The following RBFOX1 variants were observed in gnomAD, a reference collection of about 807,000 sequenced individuals.
RBFOX1 encodes RNA binding protein fox-1 homolog 1.
In RBFOX1, 8 loss-of-function variants were observed where a neutral mutation model predicts 57.7. The observed-to-expected ratio is 0.14, with a 90% CI of 0.08 to 0.25. The LOEUF is 0.25. Among genes scored for constraint, RBFOX1 ranks in the 10% least tolerant of loss-of-function variants. The pLI, the probability that RBFOX1 is intolerant of heterozygous loss-of-function variation, is 1.00. For missense variants in RBFOX1, 611 were observed against 548.5 expected (o/e 1.11, Z -1.14); for synonymous variants, 326 against 222.4 (o/e 1.47, Z -4.15).
intron 1 of RBFOX1, among the ~76,000 whole-genome samples, chr16:5,296,592 C>G (rs2151187623): frequency 6.6e-6 from 1 of 151,246 alleles, no homozygotes; most frequent in African/African-American, 2.4e-5. Context: ...AACAATAGAG[C>G]TCTTGAACAT....
intron 4 of RBFOX1, among the ~76,000 whole-genome samples, chr16:5,906,294 T>C (rs1244899309): frequency 1.3e-5 from 2 of 152,160 alleles, no homozygotes; most frequent in Non-Finnish European, 2.9e-5. Flanking sequence ...CTGGTTTCTT[T>C]GTAAAAAGGG....
chr16:7,309,033 G>T (rs1038112766), intron 4 of RBFOX1, among the ~76,000 whole-genome samples: 1 of 152,192 alleles, frequency 6.6e-6, no homozygotes, highest in South Asian at 2.1e-4. Context: ...ACGCAGAAAA[G>T]AATTAGGATA....
At chr16:6,685,962 C>G (rs896643891) in intron 3 of RBFOX1, among the ~76,000 whole-genome samples, 1 of 152,040 alleles carries the variant, frequency 6.6e-6, no homozygotes, top group African/African-American at 2.4e-5. Flanking sequence ...TTGATTCCAA[C>G]GTGACAAAAC....
chr16:7,052,075 A>G lies in RBFOX1; in HGVS notation c.4A>G (p.Asn2Asp). Reference protein sequence around the residue: MNCEREQLRGNQ... With the variant: MDCEREQLRGNQ... ...TTTCTAGGTTTCAAGACAACAGATG[A>G]ATTGTGAAAGAGAGCAGCTAAGGGT... The change falls in exon 4 of 16, where the codon AAT (asparagine) becomes GAT (aspartate). Residue 2 changes from asparagine to aspartate, a missense_variant. Around this residue, in one of 3 missense-constraint regions of RBFOX1, gnomAD observed 245 missense variants for 159.1 expected, o/e 1.54. Transcript: ENST00000550418. 1 of 1,612,380 alleles carries G rather than the reference A, an allele frequency of 6.2e-7. No homozygotes were observed. Among genetic ancestry groups the G allele is most frequent in the Non-Finnish European group, 8.5e-7 (1 of 1,179,478 alleles).
At chr16:5,389,243 C>G (rs1567433948) in intron 1 of RBFOX1, among the ~76,000 whole-genome samples, 1 of 152,042 alleles carries the variant, frequency 6.6e-6, no homozygotes, top group Admixed American at 6.5e-5. Flanking sequence ...GTGAAAATTT[C>G]AAAGAATGAA....
intron 2 of RBFOX1, among the ~76,000 whole-genome samples, chr16:6,501,517 A>G (rs1303415248): frequency 6.6e-6 from 1 of 151,658 alleles, no homozygotes; most frequent in Non-Finnish European, 1.5e-5. Flanking sequence ...TATGTGCCAC[A>G]TTTTCTTAAT....
intron 3 of RBFOX1, among the ~76,000 whole-genome samples, chr16:6,917,966 G>A (rs549220547): frequency 6.6e-6 from 1 of 152,266 alleles, no homozygotes; most frequent in East Asian, 1.9e-4. Context: ...GTAGCCTACA[G>A]GAGAGCCACT....
chr16:5,281,646 G>A (rs1180869306), intron 1 of RBFOX1, among the ~76,000 whole-genome samples: 2 of 152,154 alleles, frequency 1.3e-5, no homozygotes, highest in Non-Finnish European at 2.9e-5. Context: ...GTTATATTTT[G>A]TTGCTGAATT....
At chr16:6,904,906 C>T (rs189083870) in intron 3 of RBFOX1, among the ~76,000 whole-genome samples, 2 of 152,278 alleles carry the variant, frequency 1.3e-5, no homozygotes, top group African/African-American at 4.8e-5. Context: ...CCCCTGTTCC[C>T]AATTCCCTCA....
chr16:5,835,250 A>G (rs962608378), intron 3 of RBFOX1, among the ~76,000 whole-genome samples: 2 of 152,064 alleles, frequency 1.3e-5, no homozygotes, highest in African/African-American at 4.8e-5. Flanking sequence ...ACGTGACAAT[A>G]CTCGGCTGGG....
intron 3 of RBFOX1, among the ~76,000 whole-genome samples, chr16:5,843,451 A>G (rs2056676866): frequency 6.6e-6 from 1 of 152,170 alleles, no homozygotes; most frequent in African/African-American, 2.4e-5. Context: ...GCATGTTCCA[A>G]CAAAGGACAT....
chr16:6,603,492 C>T lies in RBFOX1; in HGVS notation c.-63-51111C>T, dbSNP rs371105395. Among the ~76,000 whole-genome samples the T allele has an allele frequency of 6.7e-4, 102 of 152,246 alleles. 2 individuals carry two copies. The South Asian group carries it at 0.019, about 28-fold the overall frequency. ...CCTTGCTCTTGCTTTAGATCAGAGC[C>T]CTCAAACACATTGGAATGATTCGGA... On this transcript the variant is annotated intron_variant, in intron 2 of 15. Coordinates refer to ENST00000550418, the MANE Select transcript of RBFOX1 (RefSeq NM_018723.4).
intron 4 of RBFOX1, among the ~76,000 whole-genome samples, chr16:7,096,674 G>A (rs1469202239): frequency 6.6e-6 from 1 of 152,104 alleles, no homozygotes; most frequent in East Asian, 1.9e-4. Flanking sequence ...GCTCATGCCT[G>A]TAATCCCAGC....
rs558559847 is a variant in RBFOX1, at chr16:7,102,155, T to C, written c.27+50057T>C. Among the ~76,000 whole-genome samples the C allele has an allele frequency of 2.6e-5, 4 of 152,320 alleles. No individual in the cohort carries two copies. In the South Asian group the frequency reaches 8.3e-4, roughly 32 times the overall value. ...TTCTCTGTTAGAAAAGAAACACTCCTCTTACTCACACTCATCGGATTCCAG... is the reference window on the plus strand; with the variant it reads ...TTCTCTGTTAGAAAAGAAACACTCCCCTTACTCACACTCATCGGATTCCAG... On this transcript the variant is annotated intron_variant, in intron 4 of 15. Transcript: ENST00000550418.
intron 1 of RBFOX1, among the ~76,000 whole-genome samples, chr16:5,297,291 T>C (rs1256594639): frequency 6.6e-6 from 1 of 152,244 alleles, no homozygotes; most frequent in Non-Finnish European, 1.5e-5. Flanking sequence ...GATCATATGG[T>C]AGTTCTACTC....
At chr16:5,382,092 C>T (rs189595059) in intron 1 of RBFOX1, among the ~76,000 whole-genome samples, 4 of 152,318 alleles carry the variant, frequency 2.6e-5, no homozygotes, top group Non-Finnish European at 5.9e-5. Flanking sequence ...TTGGGAAGCC[C>T]TGCAGAACTT....
At chr16:7,139,075 A>T (rs2072866900) in intron 4 of RBFOX1, among the ~76,000 whole-genome samples, 2 of 152,082 alleles carry the variant, frequency 1.3e-5, no homozygotes, top group Non-Finnish European at 2.9e-5. Context: ...AAGTGCTGGG[A>T]TTACAGGCAT....
rs142615094 is a variant in RBFOX1, at chr16:6,076,247, C to T, written c.-127+56255C>T. On this transcript the variant is annotated intron_variant, in intron 1 of 15. Transcript: ENST00000550418. Reference sequence around the variant, plus strand: ...CCGGGAGGCGGAAGTTGCAGTGAGCCGAGATTGTGCCATTCCACTCCAGCC... The same window carrying T: ...CCGGGAGGCGGAAGTTGCAGTGAGCTGAGATTGTGCCATTCCACTCCAGCC... Among the ~76,000 whole-genome samples, 1,340 of 151,620 alleles carry T rather than the reference C, an allele frequency of 8.8e-3. 21 individuals carry two copies. The highest frequency in any genetic ancestry group is 0.03 in the African/African-American group (1,249 of 41,302).
intron 2 of RBFOX1, among the ~76,000 whole-genome samples, chr16:6,533,069 C>T (rs1425220396): frequency 6.6e-6 from 1 of 152,218 alleles, no homozygotes; most frequent in Non-Finnish European, 1.5e-5. Context: ...TTGCAAAGCA[C>T]ACTTGGCATA....
Sources: allele counts gnomAD v4.1 joint callset (sites outside exome capture counted in the v4.1 genomes callset), GRCh38; gene constraint gnomAD v4.1.1; regional missense constraint gnomAD v4.1.1; transcripts MANE v1.5; gene names NCBI Gene and HGNC (gene_info 2026-07-23, HGNC 2026-07-21).